NXPH1: variants seen among roughly 807,000 people sequenced by gnomAD.
The protein encoded by NXPH1 is neurexophilin-1.
A neutral mutation model predicts 23.7 loss-of-function variants in NXPH1; 5 were observed. The observed-to-expected ratio is 0.21, with a 90% CI of 0.11 to 0.44. The LOEUF (loss-of-function observed/expected upper bound fraction) is 0.44. NXPH1 is among the 20% of genes least tolerant of loss of function. The probability of loss-of-function intolerance (pLI) is 0.99; values close to 1 mark genes in which losing one functional copy is unlikely to be tolerated. For synonymous variants in NXPH1, 144 were observed against 122.2 expected, an observed-to-expected ratio of 1.18 and a Z score of -1.18; for missense variants, 324 against 321.6, an observed-to-expected ratio of 1.01 and a Z score of -0.06.
At chr7:8,696,870 A>C (rs1432961010) in intron 2 of NXPH1, among the ~76,000 whole-genome samples, 2 of 142,946 alleles carry the variant, frequency 1.4e-5, no homozygotes, top group East Asian at 2.1e-4. Flanking sequence ...GAGGCCGGGC[A>C]CAGTAGCTCA....
At chr7:8,663,186 C>T (rs578072847) in intron 2 of NXPH1, among the ~76,000 whole-genome samples, 1 of 152,180 alleles carries the variant, frequency 6.6e-6, no homozygotes, top group East Asian at 1.9e-4. Flanking sequence ...TTGTGAGTAT[C>T]TAAATTCTTA....
At chr7:8,640,523 A>C (rs1001290281) in intron 2 of NXPH1, among the ~76,000 whole-genome samples, 3 of 151,988 alleles carry the variant, frequency 2.0e-5, no homozygotes, top group Admixed American at 2.0e-4. Context: ...CTTGTCTTTA[A>C]ATAAGTAACA....
rs183442073 is a variant in NXPH1 at position 8,725,311 on chromosome 7, G to A, written c.55-25697G>A. ...TCGAGACCAACCTGGGCAACATGGC[G>A]AAACCCTGTCTTGACTAAAAATACA... On this transcript the variant is annotated intron_variant, in intron 2 of 2. Transcript: ENST00000405863. Among the ~76,000 whole-genome samples, 11 of 152,092 alleles carry A rather than the reference G, an allele frequency of 7.2e-5. No homozygotes were observed. The East Asian group carries it at 1.4e-3, about 19-fold the overall frequency.
rs182959829 is a variant in NXPH1, at chr7:8,603,162, C to T, written c.55-147846C>T. On this transcript the variant is annotated intron_variant, in intron 2 of 2. Transcript: ENST00000405863. Reference sequence around the variant, plus strand: ...GCATAATGCCTAGAATATGGTAATGCCTAAGAGATATTTGTTGAATTGAAT... The same window carrying T: ...GCATAATGCCTAGAATATGGTAATGTCTAAGAGATATTTGTTGAATTGAAT... 3.7e-4 allele frequency among the ~76,000 whole-genome samples: 56 copies of T among 152,168 alleles called. No individual in the cohort carries two copies. In the East Asian group the frequency reaches 7.5e-3, roughly 20 times the overall value.
intron 2 of NXPH1, among the ~76,000 whole-genome samples, chr7:8,513,107 G>T (rs1375090605): frequency 1.3e-5 from 2 of 152,056 alleles, no homozygotes; most frequent in Non-Finnish European, 2.9e-5. Flanking sequence ...CATCATAGAA[G>T]AAGGAGGGAA....
intron 2 of NXPH1, among the ~76,000 whole-genome samples, chr7:8,516,181 A>C (rs1038555457): frequency 6.6e-6 from 1 of 152,050 alleles, no homozygotes; most frequent in East Asian, 1.9e-4. Flanking sequence ...CATCATTAGT[A>C]ACCTCTCTAT....
chr7:8,503,567 T>C (rs1303524563), intron 2 of NXPH1, among the ~76,000 whole-genome samples: 1 of 152,024 alleles, frequency 6.6e-6, no homozygotes, highest in Non-Finnish European at 1.5e-5. Flanking sequence ...TGCTTGTTTT[T>C]GATGTTTCTT....
intron 2 of NXPH1, among the ~76,000 whole-genome samples, chr7:8,749,650 T>C (rs945432645): frequency 2.6e-5 from 4 of 152,160 alleles, no homozygotes; most frequent in Admixed American, 6.5e-5. Flanking sequence ...TGAGTAGTAA[T>C]CAGGCTGGTA....
intron 2 of NXPH1, among the ~76,000 whole-genome samples, chr7:8,443,171 G>A (rs1259623030): frequency 6.6e-6 from 1 of 152,242 alleles, no homozygotes; most frequent in Non-Finnish European, 1.5e-5. Flanking sequence ...GCTAGCTCCC[G>A]TCTCTAGGTC....
intron 2 of NXPH1, among the ~76,000 whole-genome samples, chr7:8,511,230 G>T (rs2128613977): frequency 6.6e-6 from 1 of 152,198 alleles, no homozygotes; most frequent in Middle Eastern, 3.4e-3. Context: ...TATCTCATTT[G>T]TAAATACTTG....
chr7:8,564,443 G>T (rs985890445), intron 2 of NXPH1, among the ~76,000 whole-genome samples: 1 of 151,682 alleles, frequency 6.6e-6, no homozygotes, highest in African/African-American at 2.4e-5. Flanking sequence ...CCCAACTGCT[G>T]CCAGAAGCTG....
rs1389332688 is a variant in NXPH1 at position 8,493,517 on chromosome 7, A to G, written c.54+57750A>G. 2.6e-5 allele frequency among the ~76,000 whole-genome samples: 4 copies of G among 152,082 alleles called. No homozygotes were observed. In the East Asian group the frequency reaches 7.7e-4, roughly 29 times the overall value. On this transcript the variant is annotated intron_variant, in intron 2 of 2. Transcript: ENST00000405863. ...CATTTTGTCCTGCTAGAATGAGAGA[A>G]CAGCTCAGGCTAATTTACCTTGAGC... is the stretch of plus-strand genomic sequence containing the variant.
chr7:8,510,029 G>T (rs539942033), intron 2 of NXPH1, among the ~76,000 whole-genome samples: 5 of 152,102 alleles, frequency 3.3e-5, no homozygotes, highest in Non-Finnish European at 4.4e-5. Flanking sequence ...CACTAGCTCT[G>T]AGCTAATCCT....
chr7:8,635,644 C>G (rs1296963293), intron 2 of NXPH1, among the ~76,000 whole-genome samples: 1 of 152,156 alleles, frequency 6.6e-6, no homozygotes, highest in African/African-American at 2.4e-5. Flanking sequence ...TGTGATGACA[C>G]CGGGTCTAAA....
intron 2 of NXPH1, among the ~76,000 whole-genome samples, chr7:8,528,963 G>T (rs927972154): frequency 6.6e-6 from 1 of 152,234 alleles, no homozygotes; most frequent in Non-Finnish European, 1.5e-5. Flanking sequence ...CTCAATCAAG[G>T]TATCCCATGT....
At chr7:8,735,798 C>A (rs116374838) in intron 2 of NXPH1, among the ~76,000 whole-genome samples, 2 of 151,876 alleles carry the variant, frequency 1.3e-5, no homozygotes, top group Non-Finnish European at 2.9e-5. Context: ...CTGTTAATTA[C>A]GCCTTAATTT....
chr7:8,737,237 A>T (rs1375200029), intron 2 of NXPH1, among the ~76,000 whole-genome samples: 1 of 152,104 alleles, frequency 6.6e-6, no homozygotes, highest in Admixed American at 6.5e-5. Context: ...GATGGTCTTT[A>T]CAGTATGGTA....
intron 2 of NXPH1, among the ~76,000 whole-genome samples, chr7:8,660,054 A>T (rs4725110): frequency 0.62 from 93,497 of 151,950 alleles, 30,246 homozygotes; most frequent in Middle Eastern, 0.75. Context: ...GACTTTCTTC[A>T]TCTTGCAATA....
In NXPH1 at chr7:8,486,381, A is replaced by AT. The variant is rs143211922; in HGVS notation, c.54+50618dup. On this transcript the variant is annotated intron_variant, in intron 2 of 2. Coordinates refer to ENST00000405863, the MANE Select transcript of NXPH1 (RefSeq NM_152745.3). Reference sequence around the variant, plus strand: ...TTACCTTCCAAACTCAGTCTGATTAATTTTCTCCTCTGCAGCAGATAAAGG... The same window carrying AT: ...TTACCTTCCAAACTCAGTCTGATTAATTTTTCTCCTCTGCAGCAGATAAAGG... 3.0e-3 allele frequency among the ~76,000 whole-genome samples: 461 copies of AT among 152,232 alleles called. 2 individuals are homozygous for AT. The highest frequency in any genetic ancestry group is 0.01 in the African/African-American group (435 of 41,552).
Sources: gnomAD v4.1 joint callset for allele counts (sites outside exome capture counted in the v4.1 genomes callset) on GRCh38, gnomAD v4.1.1 for gene constraint, MANE v1.5 for transcripts, NCBI Gene and HGNC (gene_info 2026-07-23, HGNC 2026-07-21) for gene names.